The following AGK variants were observed in gnomAD, a reference collection of about 807,000 sequenced individuals.
AGK encodes acylglycerol kinase.
In AGK, 52 loss-of-function variants were observed where a neutral mutation model predicts 66.4. That is an observed-to-expected ratio of 0.78 (90% CI 0.63 to 0.99). The LOEUF (loss-of-function observed/expected upper bound fraction) is 0.99. Among genes scored for constraint, AGK ranks in the 50% least tolerant of loss-of-function variants. AGK has a pLI of 0.00. For missense variants in AGK, 451 were observed against 506.6 expected, an observed-to-expected ratio of 0.89 and a Z score of 1.05; for synonymous variants, 182 against 181.1, an observed-to-expected ratio of 1.00 and a Z score of -0.04.
chr7:141,606,442 T>C (rs562037251), intron 5 of AGK, among the ~76,000 whole-genome samples: 3 of 152,332 alleles, frequency 2.0e-5, no homozygotes, highest in African/African-American at 4.8e-5. Flanking sequence ...ATTGGACTCA[T>C]TATCTTGTTT....
intron 2 of AGK, among the ~76,000 whole-genome samples, chr7:141,566,804 C>G (rs1034361800): frequency 4.6e-5 from 7 of 152,160 alleles, no homozygotes; most frequent in Non-Finnish European, 1.0e-4. Context: ...TAGTCTCAGA[C>G]TTTCAGTTTC....
chr7:141,621,142 A>G (rs916070379), intron 8 of AGK, among the ~76,000 whole-genome samples: 5 of 152,178 alleles, frequency 3.3e-5, no homozygotes, highest in African/African-American at 2.4e-5. Context: ...TCAATAGTAC[A>G]TGCCTTTTGA....
chr7:141,630,178 A>G (rs1263554268), intron 9 of AGK, among the ~76,000 whole-genome samples: 1 of 152,210 alleles, frequency 6.6e-6, no homozygotes, highest in Non-Finnish European at 1.5e-5. Context: ...AAATGATGCT[A>G]AAGACATATA....
chr7:141,627,776 G>A (rs1469446627), intron 9 of AGK, among the ~76,000 whole-genome samples: 2 of 152,188 alleles, frequency 1.3e-5, no homozygotes, highest in Admixed American at 1.3e-4. Flanking sequence ...ACCAAAGGAG[G>A]TGCATCAGGA....
intron 13 of AGK, among the ~76,000 whole-genome samples, chr7:141,642,174 G>C (rs904250940): frequency 6.6e-6 from 1 of 152,194 alleles, no homozygotes; most frequent in Non-Finnish European, 1.5e-5. Flanking sequence ...CTTAGGGCAA[G>C]AGGGCTTTAG....
chr7:141,568,211 G>A (rs1168651334), intron 2 of AGK, among the ~76,000 whole-genome samples: 2 of 152,176 alleles, frequency 1.3e-5, no homozygotes, highest in African/African-American at 4.8e-5. Flanking sequence ...TAACAAGACA[G>A]CTTGGAAAAG....
chr7:141,652,206 A>C (rs1797577154), intron 15 of AGK, among the ~76,000 whole-genome samples: 1 of 152,242 alleles, frequency 6.6e-6, no homozygotes, highest in African/African-American at 2.4e-5. Flanking sequence ...AGGTAAACAG[A>C]AGGTATCCCC....
At chr7:141,628,446 A>C (rs920260814) in intron 9 of AGK, among the ~76,000 whole-genome samples, 1 of 152,248 alleles carries the variant, frequency 6.6e-6, no homozygotes, top group African/African-American at 2.4e-5. Context: ...GAAAAAGATT[A>C]TAGACAAAGC....
intron 5 of AGK, among the ~76,000 whole-genome samples, chr7:141,603,139 A>T (rs1257314259): frequency 6.6e-6 from 1 of 152,160 alleles, no homozygotes; most frequent in Non-Finnish European, 1.5e-5. Flanking sequence ...TATGTTCATT[A>T]AGTCAAGTCT....
At chr7:141,554,883 G>C (rs1313553445) in intron 1 of AGK, among the ~76,000 whole-genome samples, 1 of 152,162 alleles carries the variant, frequency 6.6e-6, no homozygotes, top group East Asian at 1.9e-4. Context: ...ATGCATGTCT[G>C]ATTATTCAGG....
chr7:141,644,959 T>C (rs1486737087), intron 13 of AGK, among the ~76,000 whole-genome samples: 1 of 152,014 alleles, frequency 6.6e-6, no homozygotes, highest in African/African-American at 2.4e-5. Context: ...TTTATACTAA[T>C]ACTCTGCTTC....
chr7:141,638,753 G>A (rs796730656), intron 11 of AGK, among the ~76,000 whole-genome samples: 7 of 152,294 alleles, frequency 4.6e-5, no homozygotes, highest in African/African-American at 1.7e-4. Context: ...TTCCACTGAT[G>A]TTGGTAATAC....
intron 13 of AGK, among the ~76,000 whole-genome samples, chr7:141,642,531 G>T (rs980242030): frequency 1.3e-5 from 2 of 152,128 alleles, no homozygotes; most frequent in African/African-American, 4.8e-5. Flanking sequence ...GAAAGCACAG[G>T]TATACAGCCT....
intron 13 of AGK, 141 bp downstream of exon 13, chr7:141,642,049 T>A (rs866842349): frequency 6.5e-6 from 5 of 773,332 alleles, no homozygotes; most frequent in Middle Eastern, 2.4e-4. Flanking sequence ...GAGGATGTGG[T>A]GTGCCTTTAA....
At position 141,555,129 on chromosome 7, in the gene AGK, T is replaced by G. The variant is rs1028575598; in HGVS notation, c.-14-324T>G. Among the ~76,000 whole-genome samples, 1 of 152,178 alleles carries G rather than the reference T, an allele frequency of 6.6e-6. No homozygotes were observed. Among genetic ancestry groups the G allele is most frequent in the Non-Finnish European group, 1.5e-5 (1 of 68,032 alleles). On this transcript the variant is annotated intron_variant, in intron 1 of 15. Coordinates refer to ENST00000649286, the MANE Select transcript of AGK (RefSeq NM_018238.4). The surrounding 1 kb of genome is among the most constrained non-coding windows in gnomAD (Gnocchi z 4.2). ...AAACCAGAGGAAGCCTGGAATTCCC[T>G]TCCTCTCTTTCTGCCCCTCCCTCTT...
intron 2 of AGK, among the ~76,000 whole-genome samples, chr7:141,569,628 C>T (rs1176689404): frequency 6.6e-6 from 1 of 152,218 alleles, no homozygotes; most frequent in Non-Finnish European, 1.5e-5. Flanking sequence ...TTTATTAACT[C>T]ATTTCATCTT....
rs1391553943 is a variant in AGK at position 141,598,477 on chromosome 7, T to C, written c.221+1836T>C. ...TTTGCCACTTACTAGCTCTATGATA[T>C]TGTGGGAGTTAATTCACTTCTTAAA... On this transcript the variant is annotated intron_variant, in intron 4 of 15. Coordinates refer to ENST00000649286, the MANE Select transcript of AGK (RefSeq NM_018238.4). The surrounding 1 kb of genome is among the most constrained non-coding windows in gnomAD (Gnocchi z 4.2). Among the ~76,000 whole-genome samples the C allele has an allele frequency of 1.3e-5, 2 of 152,204 alleles. No individual in the cohort carries two copies. Among genetic ancestry groups the C allele is most frequent in the African/African-American group, 2.4e-5 (1 of 41,446 alleles).
At chr7:141,616,951 G>T (rs1395286116) in intron 8 of AGK, among the ~76,000 whole-genome samples, 2 of 151,844 alleles carry the variant, frequency 1.3e-5, no homozygotes, top group African/African-American at 4.8e-5. Flanking sequence ...TACAGATGGG[G>T]TTTCACTGTG....
At chr7:141,570,711 C>T (rs2116876900) in intron 2 of AGK, among the ~76,000 whole-genome samples, 1 of 149,626 alleles carries the variant, frequency 6.7e-6, no homozygotes, top group East Asian at 2.0e-4. Context: ...CAGTACCTTA[C>T]TCCAATAGGA....
Sources: allele counts gnomAD v4.1 joint callset (sites outside exome capture counted in the v4.1 genomes callset), GRCh38; gene constraint gnomAD v4.1.1; non-coding constraint Gnocchi (gnomAD v3.1); transcripts MANE v1.5; gene names NCBI Gene and HGNC (gene_info 2026-07-23, HGNC 2026-07-21).